The following DNM2 variants were observed in gnomAD, a reference collection of about 807,000 sequenced individuals.
DNM2 encodes dynamin 2.
In DNM2, 15 loss-of-function variants were observed where a neutral mutation model predicts 99.0. The observed-to-expected ratio is 0.15, with a 90% CI of 0.10 to 0.23. DNM2 has a LOEUF of 0.23. Among genes scored for constraint, DNM2 ranks in the 10% least tolerant of loss-of-function variants. The pLI, the probability that DNM2 is intolerant of heterozygous loss-of-function variation, is 1.00. For missense variants in DNM2, 742 were observed against 1,189.4 expected (o/e 0.62, Z 5.53); for synonymous variants, 525 against 481.2 (o/e 1.09, Z -1.19).
intron 13 of DNM2, 70 bp downstream of exon 13, chr19:10,806,037 C>T (rs952179864): frequency 3.6e-5 from 58 of 1,600,760 alleles, no homozygotes; most frequent in Non-Finnish European, 4.9e-5. Flanking sequence ...AGCTAAGCCC[C>T]CGTGATGGAG....
chr19:10,814,569 T>C (rs756632539), intron 15 of DNM2, among the ~76,000 whole-genome samples: 2 of 152,220 alleles, frequency 1.3e-5, no homozygotes, highest in Non-Finnish European at 2.9e-5. Flanking sequence ...TCTAACTGTA[T>C]GTTTGTACCC....
intron 1 of DNM2, among the ~76,000 whole-genome samples, chr19:10,757,876 G>C (rs992420367): frequency 3.4e-5 from 5 of 149,250 alleles, no homozygotes; most frequent in Admixed American, 1.4e-4. Context: ...ACCCGAGGCA[G>C]AGGTTGCAGT....
At chr19:10,766,207 G>C (rs1353814848) in intron 2 of DNM2, among the ~76,000 whole-genome samples, 1 of 152,198 alleles carries the variant, frequency 6.6e-6, no homozygotes, top group Non-Finnish European at 1.5e-5. Context: ...TTCCCAGCAG[G>C]ACCTGGGCAT....
chr19:10,781,170 G>A (rs4289102), intron 5 of DNM2, among the ~76,000 whole-genome samples: 147,031 of 152,284 alleles, frequency 0.97, 71,005 homozygotes, highest in East Asian at 1. Flanking sequence ...AGAATGGGCA[G>A]CAGAGCGAGA....
chr19:10,727,768 TC>T (rs1293065215), intron 1 of DNM2, among the ~76,000 whole-genome samples: 4 of 152,080 alleles, frequency 2.6e-5, no homozygotes, highest in African/African-American at 9.7e-5. Context: ...TATATTTGGC[TC>T]AGAGCCACAT....
At chr19:10,728,496 G>C (rs1228638219) in intron 1 of DNM2, among the ~76,000 whole-genome samples, 1 of 152,190 alleles carries the variant, frequency 6.6e-6, no homozygotes, top group East Asian at 1.9e-4. Flanking sequence ...ACTGGGCCAA[G>C]ATTACAGAGG....
Position 10,802,335 on chromosome 19 carries a change from T to C in DNM2, c.1470T>C (p.His490=). 1 of 1,614,130 alleles carries C rather than the reference T, an allele frequency of 6.2e-7. No homozygotes were observed. The highest frequency in any genetic ancestry group is 8.5e-7 in the Non-Finnish European group (1 of 1,180,008). The part of the protein sequence containing the change: ...DIEQSYINTN[H]EDFIGFANAQ... ...AGCAGTCCTACATCAACACGAACCATGAGGACTTCATCGGGTTTGCCAAGT... is the reference window on the plus strand; with the variant it reads ...AGCAGTCCTACATCAACACGAACCACGAGGACTTCATCGGGTTTGCCAAGT... Residue 490 remains histidine, a synonymous_variant, in exon 12 of 21, where the codon CAT becomes CAC. Transcript: ENST00000389253.
At chr19:10,747,358 G>A (rs763785429) in intron 1 of DNM2, among the ~76,000 whole-genome samples, 2 of 152,170 alleles carry the variant, frequency 1.3e-5, no homozygotes, top group Non-Finnish European at 2.9e-5. Context: ...TCCAGCCAGG[G>A]CCTGGAGAGT....
rs770526839 is a variant in DNM2 at position 10,795,916 on chromosome 19, C to T, written c.1196+477C>T. ...GTCCTCGGGTCACCCTGAGGGTTTC[C>T]GGGCAGTGGACTCAGGCATCCGACC... is the stretch of plus-strand genomic sequence containing the variant. On this transcript the variant is annotated intron_variant, in intron 9 of 20. Transcript: ENST00000389253. The surrounding 1 kb of genome is among the most constrained non-coding windows in gnomAD (Gnocchi z 4.2). 2.6e-5 allele frequency: 36 copies of T among 1,381,610 alleles called. No individual in the cohort carries two copies. The highest frequency in any genetic ancestry group is 4.3e-5 in the African/African-American group (3 of 70,466). The allele number at this position is 1,381,610 out of a possible 1,614,324, so 85.6% of individuals were successfully genotyped here. A position where few individuals can be genotyped will look rare whatever the true frequency, so the allele number is the denominator to read the frequency against.
At chr19:10,760,717 G>A in intron 2 of DNM2, among the ~76,000 whole-genome samples, 1 of 151,410 alleles carries the variant, frequency 6.6e-6, no homozygotes, top group Admixed American at 6.6e-5. Flanking sequence ...GCCGTGCAGT[G>A]GTGTAGTCAT....
rs2073285352 is a variant in DNM2, at chr19:10,830,111, C to G, written c.2292-16C>G. The G allele has an allele frequency of 3.1e-6, 5 of 1,613,800 alleles. No homozygotes were observed. The highest frequency in any genetic ancestry group is 1.6e-4 in the Middle Eastern group (1 of 6,062). ...TCCATCTGTATCTGTAGCTCACACCCTCTCCTTCCTCACAGCCCCACTCCA... is the reference window on the plus strand; with the variant it reads ...TCCATCTGTATCTGTAGCTCACACCGTCTCCTTCCTCACAGCCCCACTCCA... On this transcript the variant is annotated splice_polypyrimidine_tract_variant and intron_variant, in intron 19 of 20. Transcript: ENST00000389253. This position sits in a 1 kb window ranked among gnomAD's most constrained non-coding sequence, Gnocchi z 4.8.
chr19:10,756,347 A>G (rs1479795648), intron 1 of DNM2, among the ~76,000 whole-genome samples: 1 of 151,908 alleles, frequency 6.6e-6, no homozygotes, highest in Admixed American at 6.6e-5. Context: ...CCCCGTCAGA[A>G]TGTTGGCGCC....
Position 10,830,040 on chromosome 19 carries a change from C to G in DNM2, c.2292-87C>G. On this transcript the variant is annotated intron_variant, in intron 19 of 20. Coordinates refer to ENST00000389253, the MANE Select transcript of DNM2 (RefSeq NM_001005361.3). The surrounding 1 kb of genome is among the most constrained non-coding windows in gnomAD (Gnocchi z 4.8). ...CCTGCGCTGTCCCCATAGCCAGCCC[C>G]CACCTCAGGTTCTGGCAGCCACAGT... 1 of 1,592,052 alleles carries G rather than the reference C, an allele frequency of 6.3e-7. No individual in the cohort carries two copies. The highest frequency in any genetic ancestry group is 8.6e-7 in the Non-Finnish European group (1 of 1,160,144).
intron 8 of DNM2, 97 bp downstream of exon 8, chr19:10,793,952 C>G: frequency 1.3e-6 from 2 of 1,599,540 alleles, no homozygotes; most frequent in Non-Finnish European, 1.7e-6. Flanking sequence ...GTCTCAAGCT[C>G]CTACCTCTAG....
chr19:10,779,502 C>CTTTCTTTTTTTTTT (rs1290878626), intron 5 of DNM2, among the ~76,000 whole-genome samples: 1 of 29,602 alleles, frequency 3.4e-5, no homozygotes, highest in Admixed American at 5.9e-4. Flanking sequence ...TTCTTTCTTT[C>CTTTCTTTTTTTTTT]TTTTTTTTTT....
At chr19:10,804,312 C>T (rs1201193350) in intron 12 of DNM2, among the ~76,000 whole-genome samples, 6 of 152,122 alleles carry the variant, frequency 3.9e-5, no homozygotes, top group Admixed American at 1.3e-4. Flanking sequence ...AGCTCAGTGC[C>T]ACCTCCTTCA....
At chr19:10,753,277 T>C in intron 1 of DNM2, among the ~76,000 whole-genome samples, 1 of 152,114 alleles carries the variant, frequency 6.6e-6, no homozygotes, top group African/African-American at 2.4e-5. Flanking sequence ...TCGGAAAACA[T>C]GCAGTGGCTC....
In DNM2 at chr19:10,767,779, G is replaced by A. The variant is rs551367718; in HGVS notation, c.236-4700G>A. Among the ~76,000 whole-genome samples the A allele has an allele frequency of 8.1e-4, 124 of 152,252 alleles. No individual in the cohort carries two copies. The Middle Eastern group carries it at 0.024, about 29-fold the overall frequency. On this transcript the variant is annotated intron_variant, in intron 2 of 20. Coordinates refer to ENST00000389253, the MANE Select transcript of DNM2 (RefSeq NM_001005361.3). The stretch of plus-strand genomic sequence containing the variant: ...AAATTAGCCAGGCGTGGTGGCATGC[G>A]CCTATAATCCCAGTTACTTGGGAGG...
At chr19:10,733,402 A>G (rs892986761) in intron 1 of DNM2, among the ~76,000 whole-genome samples, 14 of 151,538 alleles carry the variant, frequency 9.2e-5, no homozygotes, top group Admixed American at 2.6e-4. Context: ...CATGTTGCCC[A>G]GGCTGGTCTT....
Sources: gnomAD v4.1 joint callset for allele counts (sites outside exome capture counted in the v4.1 genomes callset) on GRCh38, gnomAD v4.1.1 for gene constraint, Gnocchi (gnomAD v3.1) non-coding constraint, MANE v1.5 for transcripts, NCBI Gene and HGNC (gene_info 2026-07-23, HGNC 2026-07-21) for gene names.